The following PAN3 variants were observed in gnomAD, a reference collection of about 807,000 sequenced individuals.
PAN3 encodes the protein PAN2-PAN3 deadenylation complex subunit PAN3.
In PAN3, 19 loss-of-function variants were observed where a neutral mutation model predicts 96.2. The ratio of observed to expected loss-of-function variants is 0.20; its 90% CI spans 0.14 to 0.29. The LOEUF (loss-of-function observed/expected upper bound fraction) is 0.29. Ranked by LOEUF, PAN3 falls within the 10% of genes least tolerant of loss-of-function variation. PAN3 has a pLI of 1.00. For synonymous variants in PAN3, 433 were observed against 406.6 expected, an observed-to-expected ratio of 1.06 and a Z score of -0.78; for missense variants, 882 against 1,108.1, an observed-to-expected ratio of 0.80 and a Z score of 2.90.
At chr13:28,189,051 C>T (rs866585365) in intron 4 of PAN3, among the ~76,000 whole-genome samples, 1 of 152,106 alleles carries the variant, frequency 6.6e-6, no homozygotes, top group Admixed American at 6.5e-5. Flanking sequence ...ACATGTGTGT[C>T]CTAAAATTAC....
chr13:28,242,760 T>G (rs1311210809), intron 6 of PAN3, among the ~76,000 whole-genome samples: 2 of 152,226 alleles, frequency 1.3e-5, no homozygotes, highest in Non-Finnish European at 2.9e-5. Flanking sequence ...AAAAGAATCT[T>G]CATTACAGTA....
chr13:28,249,611 G>T (rs1195467459), intron 6 of PAN3, among the ~76,000 whole-genome samples: 1 of 151,866 alleles, frequency 6.6e-6, no homozygotes, highest in Non-Finnish European at 1.5e-5. Context: ...ACCACACCTG[G>T]CTAATTTTTT....
At chr13:28,193,771 A>G (rs1351415111) in intron 4 of PAN3, among the ~76,000 whole-genome samples, 1 of 151,324 alleles carries the variant, frequency 6.6e-6, no homozygotes, top group African/African-American at 2.4e-5. Context: ...AGAAACAAAA[A>G]CTAACCAAAG....
At chr13:28,271,225 C>T (rs1886595843) in intron 13 of PAN3, among the ~76,000 whole-genome samples, 1 of 152,122 alleles carries the variant, frequency 6.6e-6, no homozygotes, top group Non-Finnish European at 1.5e-5. Context: ...GGCCCTACCC[C>T]CAGAGATTTT....
chr13:28,222,626 T>C (rs1343696468), intron 6 of PAN3, among the ~76,000 whole-genome samples: 1 of 152,182 alleles, frequency 6.6e-6, no homozygotes, highest in African/African-American at 2.4e-5. Context: ...GGAAAAACCA[T>C]TGTACTCTCA....
chr13:28,255,380 G>A (rs1431387727), intron 6 of PAN3, among the ~76,000 whole-genome samples: 1 of 152,130 alleles, frequency 6.6e-6, no homozygotes, highest in African/African-American at 2.4e-5. Flanking sequence ...GTAGTTTGTA[G>A]TGTATTAGTT....
At chr13:28,224,187 G>T (rs9579169) in intron 6 of PAN3, among the ~76,000 whole-genome samples, 1,554 of 152,094 alleles carry the variant, frequency 0.01, 24 homozygotes, top group African/African-American at 0.035. Flanking sequence ...TAATTTTATC[G>T]TGAGAACTAA....
intron 7 of PAN3, among the ~76,000 whole-genome samples, chr13:28,257,203 C>T (rs1182017877): frequency 6.6e-6 from 1 of 151,782 alleles, no homozygotes; most frequent in Non-Finnish European, 1.5e-5. Context: ...AAGAACATGG[C>T]CAGAAAGAAA....
chr13:28,175,312 A>G (rs562308766), intron 2 of PAN3, among the ~76,000 whole-genome samples: 74 of 152,326 alleles, frequency 4.9e-4, no homozygotes, highest in African/African-American at 1.7e-3. Context: ...TGGCGCAATC[A>G]TGGCCCACTG....
chr13:28,145,838 C>T (rs1870555913), intron 1 of PAN3, among the ~76,000 whole-genome samples: 1 of 150,618 alleles, frequency 6.6e-6, no homozygotes, highest in Middle Eastern at 3.4e-3. Context: ...TGGCACACTG[C>T]AGCCTCCACC....
intron 1 of PAN3, among the ~76,000 whole-genome samples, chr13:28,148,793 A>T (rs1157522661): frequency 6.6e-6 from 1 of 152,212 alleles, no homozygotes; most frequent in African/African-American, 2.4e-5. Flanking sequence ...CTAATGGCTT[A>T]TCTTGTAGTT....
chr13:28,228,617 T>C (rs1334504628), intron 6 of PAN3, among the ~76,000 whole-genome samples: 1 of 152,164 alleles, frequency 6.6e-6, no homozygotes, highest in Non-Finnish European at 1.5e-5. Context: ...ACATAGTAAC[T>C]AATAACTAGT....
chr13:28,266,039 T>G (rs1886133331), intron 9 of PAN3, among the ~76,000 whole-genome samples: 1 of 9,730 alleles, frequency 1.0e-4, no homozygotes, highest in Admixed American at 1.7e-3. Flanking sequence ...CCGGCCGGTT[T>G]TTTTTTTTTT....
chr13:28,283,411 G>A (rs971708654), intron 17 of PAN3, among the ~76,000 whole-genome samples: 1 of 152,084 alleles, frequency 6.6e-6, no homozygotes, highest in South Asian at 2.1e-4. Flanking sequence ...GTAAAAAGTA[G>A]GAAAAGTTTG....
At chr13:28,233,629 G>A (rs753844481) in intron 6 of PAN3, among the ~76,000 whole-genome samples, 1 of 152,116 alleles carries the variant, frequency 6.6e-6, no homozygotes, top group Non-Finnish European at 1.5e-5. Flanking sequence ...AGTATATTGT[G>A]TAGCTGTGTG....
chr13:28,220,676 ACTTTGTG>A (rs1199201331), intron 6 of PAN3, among the ~76,000 whole-genome samples: 3 of 152,156 alleles, frequency 2.0e-5, no homozygotes, highest in Non-Finnish European at 4.4e-5. Context: ...TATTTTTAAA[ACTTTGTG>A]CTGTTTCACT....
At chr13:28,184,062 T>C (rs1454411863) in intron 4 of PAN3, among the ~76,000 whole-genome samples, 2 of 152,166 alleles carry the variant, frequency 1.3e-5, no homozygotes, top group Admixed American at 6.6e-5. Flanking sequence ...TTTGAGATGT[T>C]CAGGCCTCCT....
At chr13:28,145,369 T>C (rs1870493890) in intron 1 of PAN3, among the ~76,000 whole-genome samples, 1 of 152,074 alleles carries the variant, frequency 6.6e-6, no homozygotes. Flanking sequence ...CTATCACCCA[T>C]GCTGGAGTGC....
intron 6 of PAN3, among the ~76,000 whole-genome samples, chr13:28,245,329 C>CT (rs34624061): frequency 1.6e-3 from 247 of 150,312 alleles, no homozygotes; most frequent in Middle Eastern, 0.01. Flanking sequence ...TTATACAGTT[C>CT]TAGTTGTTTA....
Sources: allele counts gnomAD v4.1 joint callset (sites outside exome capture counted in the v4.1 genomes callset), GRCh38; gene constraint gnomAD v4.1.1; transcripts MANE v1.5; gene names NCBI Gene and HGNC (gene_info 2026-07-23, HGNC 2026-07-21).